The following UBTD1 variants were observed in gnomAD, a reference collection of about 807,000 sequenced individuals.
UBTD1 encodes ubiquitin domain-containing protein 1.
In UBTD1, 19 loss-of-function variants were observed where a neutral mutation model predicts 21.7. The observed-to-expected ratio is 0.87, with a 90% confidence interval of 0.61 to 1.28. The LOEUF is 1.28. Ranked by LOEUF, UBTD1 falls within the 50% of genes most tolerant of loss-of-function variation. The probability of loss-of-function intolerance (pLI) is 0.00; values close to 1 mark genes in which losing one functional copy is unlikely to be tolerated. For missense variants in UBTD1, 282 were observed against 315.1 expected (o/e 0.89, Z 0.80); for synonymous variants, 116 against 135.1 (o/e 0.86, Z 0.98).
chr10:97,515,938 C>G (rs1396070432), intron 1 of UBTD1, among the ~76,000 whole-genome samples: 1 of 152,198 alleles, frequency 6.6e-6, no homozygotes, highest in East Asian at 1.9e-4. Context: ...AGCCACAAAG[C>G]CGGGTGCTCC....
intron 1 of UBTD1, among the ~76,000 whole-genome samples, chr10:97,531,376 A>G (rs1415796222): frequency 2.6e-5 from 4 of 151,398 alleles, no homozygotes; most frequent in African/African-American, 9.7e-5. Context: ...ACGCCTGGCT[A>G]ATTTTTGTAT....
intron 1 of UBTD1, among the ~76,000 whole-genome samples, chr10:97,543,911 C>T (rs889817065): frequency 2.0e-5 from 3 of 152,018 alleles, no homozygotes; most frequent in Non-Finnish European, 4.4e-5. Flanking sequence ...ATGCAGGAGC[C>T]CGGTGGGGCC....
At chr10:97,513,683 G>C (rs1030035992) in intron 1 of UBTD1, among the ~76,000 whole-genome samples, 4 of 152,186 alleles carry the variant, frequency 2.6e-5, no homozygotes, top group African/African-American at 7.2e-5. Context: ...TACCCAGACA[G>C]AGTCTCCATT....
chr10:97,545,821 T>G (rs2040608205), intron 1 of UBTD1, among the ~76,000 whole-genome samples: 1 of 152,226 alleles, frequency 6.6e-6, no homozygotes, highest in Non-Finnish European at 1.5e-5. Context: ...TACTATTAAC[T>G]TCCTTTTCTT....
At position 97,499,039 on chromosome 10, in the gene UBTD1, C is replaced by G. The variant is rs1021358109; in HGVS notation, c.-165C>G. ...CCACTTCCCTCTCTCCCCTGGCCCG[C>G]AAAGTTTTGGCGGAGCCATCGCTGG... On this transcript the variant is annotated 5_prime_UTR_variant, in exon 1 of 3. Coordinates refer to ENST00000370664, the MANE Select transcript of UBTD1 (RefSeq NM_024954.5). The G allele has an allele frequency of 2.1e-5, 16 of 770,032 alleles. No individual in the cohort carries two copies. Among genetic ancestry groups the G allele is most frequent in the Non-Finnish European group, 3.2e-5 (16 of 506,354 alleles). 47.7% of individuals were successfully genotyped at this position (770,032 alleles called of 1,614,324 possible).
At position 97,521,096 on chromosome 10, in the gene UBTD1, C is replaced by T. The variant is rs1004814236; in HGVS notation, c.70+21823C>T. 4.6e-5 allele frequency among the ~76,000 whole-genome samples: 7 copies of T among 152,204 alleles called. No homozygotes were observed. The East Asian group carries it at 1.3e-3, about 29-fold the overall frequency. ...GGGCCTGCCAGCTCCCATCTCGCCT[C>T]CCCAGCACGAGTGCCTACTTCATGC... On this transcript the variant is annotated intron_variant, in intron 1 of 2. Transcript: ENST00000370664.
At chr10:97,528,385 G>C (rs1260469274) in intron 1 of UBTD1, among the ~76,000 whole-genome samples, 2 of 95,168 alleles carry the variant, frequency 2.1e-5, no homozygotes, top group Non-Finnish European at 4.5e-5. Flanking sequence ...CAGGGCGGCT[G>C]GCCGGGCGGG....
intron 1 of UBTD1, among the ~76,000 whole-genome samples, chr10:97,542,491 A>T (rs1335780064): frequency 6.6e-6 from 1 of 152,076 alleles, no homozygotes; most frequent in African/African-American, 2.4e-5. Flanking sequence ...TTCTATCTGG[A>T]GGGCCCTGGC....
intron 1 of UBTD1, among the ~76,000 whole-genome samples, chr10:97,549,186 G>A (rs1564742534): frequency 6.6e-6 from 1 of 152,218 alleles, no homozygotes; most frequent in East Asian, 1.9e-4. Flanking sequence ...ATCCGGGCCT[G>A]CCTCCTCCAG....
chr10:97,502,923 T>A (rs191375611), intron 1 of UBTD1, among the ~76,000 whole-genome samples: 40 of 147,630 alleles, frequency 2.7e-4, no homozygotes, highest in African/African-American at 4.3e-4. Flanking sequence ...ATATATATTT[T>A]TTTTTTTTTG....
chr10:97,553,069 C>T (rs1323765709), intron 1 of UBTD1, among the ~76,000 whole-genome samples: 1 of 152,264 alleles, frequency 6.6e-6, no homozygotes, highest in Non-Finnish European at 1.5e-5. Context: ...ATTTGTGCAG[C>T]ATATGAATGT....
chr10:97,570,412 GTTC>G lies in UBTD1; in HGVS notation c.578_580del (p.Phe193del). On this transcript the variant is annotated inframe_deletion, in exon 3 of 3. Coordinates refer to ENST00000370664, the MANE Select transcript of UBTD1 (RefSeq NM_024954.5). The surrounding 1 kb of genome is among the most constrained non-coding windows in gnomAD (Gnocchi z 6.6). ...GCATCGAGCCATCGTGGCAGCGGTGGTTCTTCTCCGGGAAGCTGCTCACAGACC... is the reference window on the plus strand; with the variant it reads ...GCATCGAGCCATCGTGGCAGCGGTGGTTCTCCGGGAAGCTGCTCACAGACC... 6.2e-7 allele frequency: 1 copy of G among 1,613,416 alleles called. No individual in the cohort carries two copies. Among genetic ancestry groups the G allele is most frequent in the Non-Finnish European group, 8.5e-7 (1 of 1,180,022 alleles).
intron 1 of UBTD1, among the ~76,000 whole-genome samples, chr10:97,536,909 G>A (rs2040564988): frequency 6.6e-6 from 1 of 152,062 alleles, no homozygotes; most frequent in Non-Finnish European, 1.5e-5. Flanking sequence ...GGAGGCACAG[G>A]GTGCAACTGT....
Position 97,570,532 on chromosome 10 carries a change from C to T in UBTD1, c.*9C>T, listed in dbSNP as rs147119377. On this transcript the variant is annotated 3_prime_UTR_variant, in exon 3 of 3. Coordinates refer to ENST00000370664, the MANE Select transcript of UBTD1 (RefSeq NM_024954.5). The surrounding 1 kb of genome is among the most constrained non-coding windows in gnomAD (Gnocchi z 6.6). ...CACCACCCCAGGACTGATGGGCCCACGGACCCCTGGGAAGAGGCCCCGCCT... is the reference window on the plus strand; with the variant it reads ...CACCACCCCAGGACTGATGGGCCCATGGACCCCTGGGAAGAGGCCCCGCCT... 6,012 of 1,584,804 alleles carry T rather than the reference C, an allele frequency of 3.8e-3. 41 individuals are homozygous for T. The highest frequency in any genetic ancestry group is 0.015 in the South Asian group (1,302 of 88,522).
intron 1 of UBTD1, among the ~76,000 whole-genome samples, chr10:97,540,527 T>C (rs1176670707): frequency 6.6e-6 from 1 of 152,248 alleles, no homozygotes; most frequent in Admixed American, 6.5e-5. Context: ...ACTTAATAAA[T>C]GTTAGCAGTT....
chr10:97,545,408 G>GTGTT (rs1330440202), intron 1 of UBTD1, among the ~76,000 whole-genome samples: 2 of 71,404 alleles, frequency 2.8e-5, no homozygotes, highest in African/African-American at 1.0e-4. Context: ...GTGTGTGTGT[G>GTGTT]TGGGTGTGGG....
chr10:97,562,230 C>G (rs1161454914), intron 1 of UBTD1, among the ~76,000 whole-genome samples: 1 of 152,146 alleles, frequency 6.6e-6, no homozygotes, highest in Non-Finnish European at 1.5e-5. Context: ...TGGTGAAACC[C>G]CGTTTCTACT....
intron 1 of UBTD1, among the ~76,000 whole-genome samples, chr10:97,528,425 G>A (rs1324383259): frequency 3.6e-5 from 3 of 84,072 alleles, no homozygotes; most frequent in South Asian, 4.9e-4. Flanking sequence ...CCTCCCGGAC[G>A]GGGCGGCTGG....
intron 1 of UBTD1, among the ~76,000 whole-genome samples, chr10:97,541,452 T>G (rs1241058856): frequency 6.6e-6 from 1 of 152,094 alleles, no homozygotes; most frequent in Non-Finnish European, 1.5e-5. Flanking sequence ...CACTCCAGCC[T>G]GGATGACAGA....
Sources: allele counts gnomAD v4.1 joint callset (sites outside exome capture counted in the v4.1 genomes callset), GRCh38; gene constraint gnomAD v4.1.1; non-coding constraint Gnocchi (gnomAD v3.1); transcripts MANE v1.5; gene names NCBI Gene and HGNC (gene_info 2026-07-23, HGNC 2026-07-21).